DGKB: variants seen among roughly 807,000 people sequenced by gnomAD.
The protein encoded by DGKB is diacylglycerol kinase beta, also known as 90 kDa diacylglycerol kinase.
Under a neutral mutation model 114.3 loss-of-function variants are expected in DGKB, and 67 were observed. The observed-to-expected ratio is 0.59, with a 90% CI of 0.48 to 0.72. The LOEUF (loss-of-function observed/expected upper bound fraction) is 0.72, where lower values mean the gene tolerates loss of function less well. Ranked by LOEUF, DGKB falls within the 30% of genes least tolerant of loss-of-function variation. The pLI is 0.00. For missense variants in DGKB, 907 were observed against 975.2 expected (o/e 0.93, Z 0.93); for synonymous variants, 398 against 323.1 (o/e 1.23, Z -2.49).
chr7:14,919,081 CACACACACACACAA>C lies in DGKB; in HGVS notation c.-188+55601_-188+55614del, dbSNP rs905496287. ...CCACACGCACACACACACACACACA[CACACACACACACAA>C]ACACACACACACACACACACACACA... On this transcript the variant is annotated intron_variant, in intron 1 of 4. Coordinates refer to the DGKB transcript ENST00000437998. 2.5e-4 allele frequency among the ~76,000 whole-genome samples: 33 copies of C among 130,282 alleles called. 1 individual carries two copies. The highest frequency in any genetic ancestry group is 2.4e-3 in the South Asian group (8 of 3,322). The allele number at this position is 130,282 out of a possible 152,430, so 85.5% of individuals were successfully genotyped here.
chr7:14,342,055 A>G (rs534267601), intron 22 of DGKB, among the ~76,000 whole-genome samples: 6 of 152,002 alleles, frequency 3.9e-5, no homozygotes, highest in South Asian at 2.1e-4. Context: ...AACTCTGGCT[A>G]TTGCCTCTAA....
intron 2 of DGKB, among the ~76,000 whole-genome samples, chr7:14,810,675 C>T (rs1843318719): frequency 1.3e-5 from 2 of 152,068 alleles, no homozygotes; most frequent in Admixed American, 6.5e-5. Flanking sequence ...TTGGCACGAT[C>T]TTGGCTCACT....
intron 23 of DGKB, among the ~76,000 whole-genome samples, chr7:14,270,482 AG>A (rs761851474): frequency 1.3e-5 from 2 of 152,182 alleles, no homozygotes; most frequent in Non-Finnish European, 2.9e-5. Context: ...TGGGGTAGAC[AG>A]GGGCACGGGG....
intron 23 of DGKB, among the ~76,000 whole-genome samples, chr7:14,325,281 G>T (rs571707425): frequency 1.3e-5 from 2 of 152,084 alleles, no homozygotes; most frequent in African/African-American, 4.8e-5. Flanking sequence ...CTAGATCAGT[G>T]GGGGGTCATC....
At position 14,759,929 on chromosome 7, in the gene DGKB, T is replaced by G. The variant is rs180884610; in HGVS notation, c.71-2198A>C. ...ATCCTTGCCAAAACTTGTTATTTTC[T>G]AACCCTTTTTTTGTTACAGCCATCC... On this transcript the variant is annotated intron_variant, in intron 2 of 25. Coordinates refer to ENST00000402815, the MANE Select transcript of DGKB (RefSeq NM_001350709.2). Among the ~76,000 whole-genome samples, 929 of 152,320 alleles carry G rather than the reference T, an allele frequency of 6.1e-3. 6 individuals are homozygous for G. Among genetic ancestry groups the G allele is most frequent in the Middle Eastern group, 0.014 (4 of 294 alleles).
chr7:14,274,909 G>A (rs980275041), intron 23 of DGKB, among the ~76,000 whole-genome samples: 3 of 151,170 alleles, frequency 2.0e-5, no homozygotes, highest in African/African-American at 7.3e-5. Flanking sequence ...GGTCAAATAT[G>A]CATTTTTTGG....
chr7:14,314,799 T>A (rs1461512251), intron 23 of DGKB, among the ~76,000 whole-genome samples: 1 of 151,090 alleles, frequency 6.6e-6, no homozygotes, highest in Non-Finnish European at 1.5e-5. Context: ...AAGATACTCC[T>A]CGAGAAGAGC....
intron 2 of DGKB, among the ~76,000 whole-genome samples, chr7:14,825,244 T>C (rs1845539788): frequency 6.6e-6 from 1 of 151,688 alleles, no homozygotes; most frequent in South Asian, 2.1e-4. Flanking sequence ...ACCAGTGTCA[T>C]GGAAGATAAT....
At chr7:14,748,262 A>G (rs1370104304) in intron 4 of DGKB, among the ~76,000 whole-genome samples, 1 of 152,198 alleles carries the variant, frequency 6.6e-6, no homozygotes, top group African/African-American at 2.4e-5. Context: ...TAAGAACAAC[A>G]TTAATGTGCT....
Position 14,876,321 on chromosome 7 carries a change from C to CT in DGKB, c.-188+26270dup, listed in dbSNP as rs1382421308. Among the ~76,000 whole-genome samples, 6 of 152,334 alleles carry CT rather than the reference C, an allele frequency of 3.9e-5. No homozygotes were observed. The South Asian group carries it at 8.3e-4, about 21-fold the overall frequency. On this transcript the variant is annotated intron_variant, in intron 1 of 25. Coordinates refer to ENST00000402815, the MANE Select transcript of DGKB (RefSeq NM_001350709.2). ...AATATGACTGCAAAACTACAGTGAG[C>CT]TGCTACTCTCTGCCTAAGGGGTAGC...
chr7:14,530,007 A>C (rs543195619), intron 20 of DGKB, among the ~76,000 whole-genome samples: 1 of 151,828 alleles, frequency 6.6e-6, no homozygotes, highest in South Asian at 2.1e-4. Context: ...ATCAAAATGG[A>C]CTGGAGTAGA....
intron 21 of DGKB, among the ~76,000 whole-genome samples, chr7:14,474,853 A>G (rs1781939354): frequency 6.6e-6 from 1 of 151,718 alleles, no homozygotes; most frequent in African/African-American, 2.4e-5. Flanking sequence ...AGTCTAAAGG[A>G]CTGGAAGTTT....
At chr7:14,901,605 A>AACCCC (rs1562855781) in intron 1 of DGKB, among the ~76,000 whole-genome samples, 3 of 123,094 alleles carry the variant, frequency 2.4e-5, no homozygotes, top group Non-Finnish European at 3.4e-5. Context: ...AGGGATTTCC[A>AACCCC]CCCCCCCCCA....
rs1386253750 is a variant in DGKB, at chr7:14,596,430, C to T, written c.1433+11004G>A. On this transcript the variant is annotated intron_variant, in intron 17 of 25. Coordinates refer to ENST00000402815, the MANE Select transcript of DGKB (RefSeq NM_001350709.2). ...AGGCTCTGGACCATTTTTATCAAGACATGTCTTCTGGCTCTTTAAATTTAT... is the reference window on the plus strand; with the variant it reads ...AGGCTCTGGACCATTTTTATCAAGATATGTCTTCTGGCTCTTTAAATTTAT... Among the ~76,000 whole-genome samples the T allele has an allele frequency of 2.6e-5, 4 of 152,156 alleles. No homozygotes were observed. The East Asian group carries it at 5.8e-4, about 22-fold the overall frequency.
intron 23 of DGKB, among the ~76,000 whole-genome samples, chr7:14,285,578 G>C (rs1479079321): frequency 2.0e-5 from 3 of 152,180 alleles, no homozygotes; most frequent in Non-Finnish European, 4.4e-5. Flanking sequence ...CATGGATGAA[G>C]TATCAGTTGG....
intron 1 of DGKB, among the ~76,000 whole-genome samples, chr7:14,931,771 T>C (rs1785030878): frequency 6.6e-6 from 1 of 151,604 alleles, no homozygotes; most frequent in Non-Finnish European, 1.5e-5. Context: ...TCCTGGATTA[T>C]AAGATACACC....
intron 23 of DGKB, among the ~76,000 whole-genome samples, chr7:14,290,004 T>A (rs971461922): frequency 6.6e-6 from 1 of 152,188 alleles, no homozygotes; most frequent in African/African-American, 2.4e-5. Context: ...TCAAATGCTA[T>A]ATTCCAACCC....
chr7:14,697,987 GAGAA>G (rs1362099395), intron 8 of DGKB, 104 bp downstream of exon 8: 3 of 652,210 alleles, frequency 4.6e-6, no homozygotes, highest in Admixed American at 2.9e-5. Flanking sequence ...GAAAGAGAGA[GAGAA>G]AGAAAAAAAG....
chr7:14,318,324 G>T (rs1431660966), intron 23 of DGKB, among the ~76,000 whole-genome samples: 1 of 151,184 alleles, frequency 6.6e-6, no homozygotes, highest in East Asian at 1.9e-4. Flanking sequence ...CACAGCAAAA[G>T]AAACTACCAT....
Sources: gnomAD v4.1 joint callset for allele counts (sites outside exome capture counted in the v4.1 genomes callset) on GRCh38, gnomAD v4.1.1 for gene constraint, MANE v1.5 for transcripts, NCBI Gene and HGNC (gene_info 2026-07-23, HGNC 2026-07-21) for gene names.